Variants in ERBB4 observed in about 807,000 individuals in gnomAD.
ERBB4 encodes the protein receptor tyrosine-protein kinase erbB-4.
A neutral mutation model predicts 158.0 loss-of-function variants in ERBB4; 42 were observed. The ratio of observed to expected loss-of-function variants is 0.27; its 90% confidence interval spans 0.21 to 0.34. The LOEUF (loss-of-function observed/expected upper bound fraction) is 0.34. ERBB4 is among the 10% of genes least tolerant of loss of function. The pLI, the probability that ERBB4 is intolerant of heterozygous loss-of-function variation, is 1.00. For missense variants in ERBB4, 1,333 were observed against 1,624.1 expected (o/e 0.82, Z 3.08); for synonymous variants, 583 against 558.7 (o/e 1.04, Z -0.61).
rs113896625 is a variant in ERBB4 at position 211,856,589 on chromosome 2, G to A, written c.422-68430C>T. ...TTTTCAGTAGAGACGGGGTTTCACC[G>A]TGTTAGCCAGGATGGTCTCGATCTC... On this transcript the variant is annotated intron_variant, in intron 3 of 27. Transcript: ENST00000342788. Among the ~76,000 whole-genome samples, 820 of 151,792 alleles carry A rather than the reference G, an allele frequency of 5.4e-3. 8 individuals carry two copies. The highest frequency in any genetic ancestry group is 0.019 in the African/African-American group (779 of 41,388).
intron 1 of ERBB4, among the ~76,000 whole-genome samples, chr2:212,457,466 T>C (rs1448175119): frequency 6.6e-6 from 1 of 152,040 alleles, no homozygotes; most frequent in African/African-American, 2.4e-5. Flanking sequence ...CTCTCAGAAA[T>C]GGATAACCCC....
intron 1 of ERBB4, among the ~76,000 whole-genome samples, chr2:212,184,328 C>T (rs1434444107): frequency 6.6e-6 from 1 of 152,094 alleles, no homozygotes; most frequent in East Asian, 1.9e-4. Context: ...AATATTTCAA[C>T]TGTTATTAAT....
chr2:212,078,285 G>T (rs1575602853), intron 2 of ERBB4, among the ~76,000 whole-genome samples: 2 of 151,110 alleles, frequency 1.3e-5, no homozygotes, highest in South Asian at 2.1e-4. Flanking sequence ...AACTTTTTTT[G>T]GGGTTTCACT....
At chr2:212,491,877 CT>C (rs1690296502) in intron 1 of ERBB4, among the ~76,000 whole-genome samples, 2 of 151,474 alleles carry the variant, frequency 1.3e-5, no homozygotes, top group Non-Finnish European at 3.0e-5. Context: ...TTTTCTAATG[CT>C]GGTCTCCATT....
intron 1 of ERBB4, among the ~76,000 whole-genome samples, chr2:212,453,524 A>G (rs1242575821): frequency 2.0e-5 from 3 of 152,222 alleles, no homozygotes; most frequent in African/African-American, 7.2e-5. Flanking sequence ...TCTTATTTAA[A>G]TATATTGCAT....
chr2:211,975,787 G>T (rs1192864015), intron 2 of ERBB4, among the ~76,000 whole-genome samples: 1 of 152,046 alleles, frequency 6.6e-6, no homozygotes, highest in Non-Finnish European at 1.5e-5. Context: ...AAATGCCAAT[G>T]AATTTATTAT....
intron 3 of ERBB4, among the ~76,000 whole-genome samples, chr2:211,817,376 A>T (rs2076901569): frequency 6.6e-6 from 1 of 152,206 alleles, no homozygotes; most frequent in African/African-American, 2.4e-5. Flanking sequence ...GAGCTAGGCA[A>T]TTCTAATTAC....
intron 19 of ERBB4, among the ~76,000 whole-genome samples, chr2:211,575,446 C>T (rs191656142): frequency 3.5e-4 from 54 of 152,282 alleles, no homozygotes; most frequent in Admixed American, 9.2e-4. Context: ...TCTAAAAGTG[C>T]TGAATCAATA....
intron 19 of ERBB4, among the ~76,000 whole-genome samples, chr2:211,595,810 A>G (rs1267257982): frequency 6.6e-6 from 1 of 152,208 alleles, no homozygotes; most frequent in Non-Finnish European, 1.5e-5. Context: ...TGAAAGGGTC[A>G]AGTTTTTGTA....
rs115634851 is a variant in ERBB4 at position 212,229,125 on chromosome 2, A to G, written c.83-104222T>C. 9.4e-3 allele frequency among the ~76,000 whole-genome samples: 1,426 copies of G among 152,316 alleles called. 22 individuals are homozygous for G. The highest frequency in any genetic ancestry group is 0.033 in the African/African-American group (1,365 of 41,564). ...TGTGTGACACATAGGTGAATAATGT[A>G]CAGTGTTGCAATTAAGGAACACAGT... On this transcript the variant is annotated intron_variant, in intron 1 of 27. Coordinates refer to ENST00000342788, the MANE Select transcript of ERBB4 (RefSeq NM_005235.3).
intron 3 of ERBB4, among the ~76,000 whole-genome samples, chr2:211,935,226 T>C (rs963469071): frequency 3.3e-5 from 5 of 152,154 alleles, no homozygotes; most frequent in African/African-American, 1.2e-4. Context: ...ACAGTGATGG[T>C]TAACTTTAGA....
chr2:211,619,573 G>A (rs1053556016), intron 18 of ERBB4, among the ~76,000 whole-genome samples: 2 of 152,202 alleles, frequency 1.3e-5, no homozygotes, highest in African/African-American at 2.4e-5. Context: ...CATGGAAATA[G>A]GATAGCAAAA....
chr2:212,376,594 C>A (rs1047450887), intron 1 of ERBB4, among the ~76,000 whole-genome samples: 1 of 152,014 alleles, frequency 6.6e-6, no homozygotes, highest in Admixed American at 6.6e-5. Context: ...CATTAGGCAT[C>A]CAACTTACAG....
intron 20 of ERBB4, among the ~76,000 whole-genome samples, chr2:211,520,745 A>G (rs1453974062): frequency 1.3e-5 from 2 of 152,142 alleles, no homozygotes; most frequent in African/African-American, 4.8e-5. Flanking sequence ...CCCTGCATTG[A>G]ACAAGTTTAT....
intron 2 of ERBB4, among the ~76,000 whole-genome samples, chr2:212,031,724 G>T (rs1377336038): frequency 6.6e-6 from 1 of 152,048 alleles, no homozygotes. Flanking sequence ...AAATTAAATG[G>T]TAACTCTATG....
At chr2:212,106,671 C>G (rs1006731860) in intron 2 of ERBB4, among the ~76,000 whole-genome samples, 1 of 152,228 alleles carries the variant, frequency 6.6e-6, no homozygotes, top group Non-Finnish European at 1.5e-5. Flanking sequence ...TGTCAGAGAC[C>G]TTCAAAGCAG....
chr2:212,169,662 T>C (rs1189931717), intron 1 of ERBB4, among the ~76,000 whole-genome samples: 1 of 152,118 alleles, frequency 6.6e-6, no homozygotes, highest in Non-Finnish European at 1.5e-5. Context: ...CATCTCAAAT[T>C]GTAATCTCCA....
chr2:211,822,071 T>A (rs1288068104), intron 3 of ERBB4, among the ~76,000 whole-genome samples: 1 of 151,838 alleles, frequency 6.6e-6, no homozygotes, highest in African/African-American at 2.4e-5. Context: ...CTCTGCATGA[T>A]CTCACTAGTG....
At chr2:211,590,235 T>C (rs879636437) in intron 19 of ERBB4, among the ~76,000 whole-genome samples, 2 of 152,216 alleles carry the variant, frequency 1.3e-5, no homozygotes, top group Non-Finnish European at 1.5e-5. Context: ...TATTCATTCC[T>C]GAGCATAGGC....
Sources: gnomAD v4.1 joint callset for allele counts (sites outside exome capture counted in the v4.1 genomes callset) on GRCh38, gnomAD v4.1.1 for gene constraint, MANE v1.5 for transcripts, NCBI Gene and HGNC (gene_info 2026-07-23, HGNC 2026-07-21) for gene names.